ATRX: variants seen among roughly 807,000 people sequenced by gnomAD.
The protein encoded by ATRX is ATRX chromatin remodeler.
Under a neutral mutation model 172.6 loss-of-function variants are expected in ATRX, and 12 were observed. The observed-to-expected ratio is 0.07, with a 90% CI of 0.04 to 0.11. The LOEUF (loss-of-function observed/expected upper bound fraction) is 0.11. Ranked by LOEUF, ATRX falls within the 10% of genes least tolerant of loss-of-function variation. The probability of loss-of-function intolerance (pLI) is 1.00; values close to 1 mark genes in which losing one functional copy is unlikely to be tolerated. For synonymous variants in ATRX, 674 were observed against 594.7 expected, an observed-to-expected ratio of 1.13 and a Z score of -1.94; for missense variants, 1,368 against 1,767.4, an observed-to-expected ratio of 0.77 and a Z score of 4.05.
chrX:77,583,353 G>A (rs948087579), intron 27 of ATRX, among the ~76,000 whole-genome samples: 5 of 110,563 alleles, frequency 4.5e-5, no homozygotes, highest in African/African-American at 9.9e-5. Flanking sequence ...GTGAAACCTC[G>A]TCTCTACTAA....
At chrX:77,592,760 C>T (rs192583918) in intron 26 of ATRX, among the ~76,000 whole-genome samples, 81 of 106,237 alleles carry the variant, frequency 7.6e-4, no homozygotes, top group African/African-American at 1.4e-3. Context: ...TGCGATGAGC[C>T]GAGATCGCAC....
intron 27 of ATRX, among the ~76,000 whole-genome samples, chrX:77,588,834 A>G (rs1557078641): frequency 8.9e-6 from 1 of 111,949 alleles, no homozygotes; most frequent in East Asian, 2.8e-4. Context: ...TTTTTTCCAA[A>G]GAAGATAAAG....
intron 22 of ATRX, among the ~76,000 whole-genome samples, chrX:77,601,246 G>A (rs1314206466): frequency 5.4e-5 from 6 of 110,226 alleles, no homozygotes; most frequent in African/African-American, 1.3e-4. Flanking sequence ...CAGGAGGACC[G>A]CTTGAGGCCA....
At chrX:77,537,347 G>T in intron 30 of ATRX, among the ~76,000 whole-genome samples, 1 of 111,532 alleles carries the variant, frequency 9.0e-6, no homozygotes, top group Non-Finnish European at 1.9e-5. Context: ...AATCTAATTG[G>T]TCAATTATCA....
intron 19 of ATRX, among the ~76,000 whole-genome samples, chrX:77,621,603 G>A (rs782345726): frequency 8.9e-6 from 1 of 112,325 alleles, no homozygotes; most frequent in Admixed American, 9.4e-5. Flanking sequence ...AAGCCACCAC[G>A]CCCAGCTGAT....
At chrX:77,764,426 G>C (rs2075834582) in intron 1 of ATRX, among the ~76,000 whole-genome samples, 1 of 111,414 alleles carries the variant, frequency 9.0e-6, no homozygotes. Flanking sequence ...CAAGCTTCTG[G>C]ACTCTGCTCA....
At chrX:77,605,863 G>GA (rs1303433237) in intron 22 of ATRX, among the ~76,000 whole-genome samples, 2 of 110,586 alleles carry the variant, frequency 1.8e-5, no homozygotes, top group South Asian at 3.8e-4. Context: ...GACTACTTAT[G>GA]AAAAAAAAGA....
chrX:77,624,642 CATAA>C (rs1248490206), intron 19 of ATRX, among the ~76,000 whole-genome samples: 1 of 111,032 alleles, frequency 9.0e-6, no homozygotes, highest in Non-Finnish European at 1.9e-5. Context: ...TAAATAAATA[CATAA>C]ATAAATAAAT....
rs782485037 is a variant in ATRX at position 77,516,933 on chromosome X, G to A, written c.7200+3855C>T. ...GAAATCAATAACAAGAGGAATTTTT[G>A]AAACTATATAAACACATGAAAATTG... On this transcript the variant is annotated intron_variant, in intron 34 of 34. Transcript: ENST00000373344. Among the ~76,000 whole-genome samples, 8 of 111,261 alleles carry A rather than the reference G, an allele frequency of 7.2e-5. No individual in the cohort carries two copies. The South Asian group carries it at 3.0e-3, about 41-fold the overall frequency.
At chrX:77,776,538 G>A (rs180708232) in intron 1 of ATRX, among the ~76,000 whole-genome samples, 181 of 112,003 alleles carry the variant, frequency 1.6e-3, no homozygotes, top group African/African-American at 5.7e-3. Flanking sequence ...GAGGTTAGAA[G>A]CACAACATTC....
chrX:77,727,758 C>T (rs2074117693), intron 1 of ATRX: 1 of 111,331 alleles, frequency 9.0e-6, no homozygotes, highest in Non-Finnish European at 1.9e-5. Context: ...CAGCAAACCA[C>T]CATGGCACAT....
intron 1 of ATRX, among the ~76,000 whole-genome samples, chrX:77,759,714 AAAAAAT>A (rs1410514108): frequency 1.8e-5 from 2 of 111,266 alleles, no homozygotes; most frequent in Non-Finnish European, 3.8e-5. Context: ...ACTCTGTCTC[AAAAAAT>A]AAAAATAAAA....
At chrX:77,762,965 T>C (rs782778160) in intron 1 of ATRX, among the ~76,000 whole-genome samples, 45 of 111,114 alleles carry the variant, frequency 4.0e-4, no homozygotes, top group African/African-American at 1.4e-3. Flanking sequence ...CCCCATAGTA[T>C]AGTTTGTTCA....
chrX:77,756,111 T>C (rs781799686), intron 1 of ATRX, among the ~76,000 whole-genome samples: 1 of 112,090 alleles, frequency 8.9e-6, no homozygotes, highest in Admixed American at 9.5e-5. Flanking sequence ...TGGTGAGTTC[T>C]GCCCAGTCTG....
chrX:77,654,962 GGAA>G (rs1262794499), intron 13 of ATRX, among the ~76,000 whole-genome samples: 1 of 111,335 alleles, frequency 9.0e-6, no homozygotes, highest in Non-Finnish European at 1.9e-5. Flanking sequence ...GTCTTTAAAA[GGAA>G]GAAAATTCTG....
intron 22 of ATRX, among the ~76,000 whole-genome samples, chrX:77,614,262 T>C (rs2067266897): frequency 1.8e-5 from 2 of 112,102 alleles, no homozygotes; most frequent in South Asian, 7.3e-4. Flanking sequence ...CTGTGAAGAT[T>C]TGTACTGAGA....
intron 1 of ATRX, among the ~76,000 whole-genome samples, chrX:77,736,905 C>G (rs1316679713): frequency 9.0e-6 from 1 of 111,485 alleles, no homozygotes; most frequent in Non-Finnish European, 1.9e-5. Flanking sequence ...AGAATGAGAT[C>G]CCGTCATTTG....
chrX:77,636,143 T>C (rs2068337860), intron 15 of ATRX, 87 bp from the exon 16 acceptor site: 15 of 919,845 alleles, frequency 1.6e-5, no homozygotes, highest in Non-Finnish European at 2.2e-5. Flanking sequence ...TTCCAAAATA[T>C]AGACACATTT....
intron 19 of ATRX, among the ~76,000 whole-genome samples, chrX:77,626,028 CATATATATATATATATATAT>C (rs782747198): frequency 0.056 from 2,040 of 36,215 alleles, 87 homozygotes; most frequent in African/African-American, 0.093. Context: ...GAAATTGTGG[CATATATATATATATATATAT>C]ATATATATAT....
Sources: allele counts gnomAD v4.1 joint callset (sites outside exome capture counted in the v4.1 genomes callset), GRCh38; gene constraint gnomAD v4.1.1; transcripts MANE v1.5; gene names NCBI Gene and HGNC (gene_info 2026-07-23, HGNC 2026-07-21).